The following CACNA2D3 variants were observed in gnomAD, a reference collection of about 807,000 sequenced individuals.
CACNA2D3 encodes the protein voltage-dependent calcium channel subunit alpha-2/delta-3.
CACNA2D3 carries 60 observed loss-of-function variants against 160.6 expected under a neutral mutation model. The observed-to-expected ratio is 0.37, with a 90% CI of 0.30 to 0.46. The LOEUF is 0.46. CACNA2D3 is among the 20% of genes least tolerant of loss of function. The probability of loss-of-function intolerance (pLI) is 1.00; values close to 1 mark genes in which losing one functional copy is unlikely to be tolerated. For synonymous variants in CACNA2D3, 558 were observed against 492.9 expected (o/e 1.13, Z -1.75); for missense variants, 1,205 against 1,365.0 (o/e 0.88, Z 1.85).
chr3:54,127,030 A>G (rs1163759406), intron 2 of CACNA2D3, among the ~76,000 whole-genome samples: 2 of 152,192 alleles, frequency 1.3e-5, no homozygotes, highest in Non-Finnish European at 2.9e-5. Context: ...CACCTCTAAC[A>G]ATCACAATCA....
intron 4 of CACNA2D3, among the ~76,000 whole-genome samples, chr3:54,453,209 C>T (rs1700339049): frequency 6.6e-6 from 1 of 152,070 alleles, no homozygotes; most frequent in Non-Finnish European, 1.5e-5. Context: ...TCCATGCTAG[C>T]CTTGAATTTC....
At chr3:55,020,222 G>T (rs527825166) in intron 35 of CACNA2D3, among the ~76,000 whole-genome samples, 1 of 150,220 alleles carries the variant, frequency 6.7e-6, no homozygotes, top group African/African-American at 2.4e-5. Context: ...AATTTTCTTG[G>T]TTATTCTTGA....
At chr3:54,970,833 C>G (rs927456871) in intron 29 of CACNA2D3, among the ~76,000 whole-genome samples, 2 of 151,888 alleles carry the variant, frequency 1.3e-5, no homozygotes, top group Non-Finnish European at 2.9e-5. Context: ...GCCTTTCTCT[C>G]TCTGCATCAG....
chr3:54,901,860 G>C (rs1270225506), intron 27 of CACNA2D3, among the ~76,000 whole-genome samples: 1 of 152,156 alleles, frequency 6.6e-6, no homozygotes, highest in East Asian at 1.9e-4. Context: ...TCCAAAAATA[G>C]AGCGGCCTCT....
At chr3:54,391,700 C>T (rs35992007) in intron 4 of CACNA2D3, among the ~76,000 whole-genome samples, 16,983 of 151,898 alleles carry the variant, frequency 0.11, 1,141 homozygotes, top group African/African-American at 0.18. Context: ...TTGTGGATAC[C>T]GGGTTTCACC....
chr3:54,381,641 G>A (rs1427409753), intron 3 of CACNA2D3, among the ~76,000 whole-genome samples: 1 of 152,166 alleles, frequency 6.6e-6, no homozygotes, highest in Admixed American at 6.5e-5. Context: ...GGGAGGAAAC[G>A]GGACACTGTG....
At chr3:54,557,093 T>C (rs569813026) in intron 5 of CACNA2D3, among the ~76,000 whole-genome samples, 51 of 152,342 alleles carry the variant, frequency 3.3e-4, no homozygotes, top group Middle Eastern at 3.4e-3. Flanking sequence ...TTTCCCCTTC[T>C]ATTAAAACTG....
intron 29 of CACNA2D3, among the ~76,000 whole-genome samples, chr3:54,971,076 G>A (rs1193009980): frequency 1.3e-5 from 2 of 151,678 alleles, no homozygotes; most frequent in East Asian, 3.9e-4. Context: ...CTGGCTGCTG[G>A]TTAGAAAATC....
intron 27 of CACNA2D3, among the ~76,000 whole-genome samples, chr3:54,931,876 T>C (rs1488346762): frequency 6.6e-6 from 1 of 152,120 alleles, no homozygotes; most frequent in Admixed American, 6.5e-5. Flanking sequence ...CAGGCAATAT[T>C]ACACAGGTAT....
At chr3:54,216,445 G>A (rs1701464998) in intron 2 of CACNA2D3, among the ~76,000 whole-genome samples, 1 of 152,206 alleles carries the variant, frequency 6.6e-6, no homozygotes, top group Non-Finnish European at 1.5e-5. Context: ...GCTTTTTAAA[G>A]TTTGCATGGA....
intron 27 of CACNA2D3, among the ~76,000 whole-genome samples, chr3:54,949,997 G>GA (rs1473766385): frequency 6.6e-6 from 1 of 152,160 alleles, no homozygotes; most frequent in Non-Finnish European, 1.5e-5. Flanking sequence ...TCCTTTAGGG[G>GA]AAAAGAAAAA....
At chr3:54,812,383 C>A (rs1338944421) in intron 13 of CACNA2D3, among the ~76,000 whole-genome samples, 1 of 152,182 alleles carries the variant, frequency 6.6e-6, no homozygotes, top group Non-Finnish European at 1.5e-5. Flanking sequence ...GTAAACAAGT[C>A]TTCTTTGAGA....
intron 11 of CACNA2D3, among the ~76,000 whole-genome samples, chr3:54,737,127 A>G (rs570381159): frequency 2.0e-5 from 3 of 152,162 alleles, no homozygotes; most frequent in East Asian, 1.9e-4. Flanking sequence ...AGTTGGGAAA[A>G]CAACAGTGAA....
chr3:54,519,453 C>T (rs1251516178), intron 5 of CACNA2D3, among the ~76,000 whole-genome samples: 1 of 152,162 alleles, frequency 6.6e-6, no homozygotes, highest in Non-Finnish European at 1.5e-5. Flanking sequence ...GCCTCTTTTC[C>T]TATAATCAAA....
At chr3:54,617,559 C>G (rs1698880160) in intron 9 of CACNA2D3, among the ~76,000 whole-genome samples, 1 of 152,136 alleles carries the variant, frequency 6.6e-6, no homozygotes, top group South Asian at 2.1e-4. Context: ...TGAAACTGCT[C>G]TTGGGTAAAG....
chr3:54,837,247 A>G lies in CACNA2D3; in HGVS notation c.1470+17A>G, dbSNP rs1262719075. 6.2e-7 allele frequency: 1 copy of G among 1,611,182 alleles called. No homozygotes were observed. The highest frequency in any genetic ancestry group is 8.5e-7 in the Non-Finnish European group (1 of 1,177,406). On this transcript the variant is annotated intron_variant, in intron 15 of 37. Transcript: ENST00000474759. ...AACGAAACCGTGAGTACAGTCGCTG[A>G]GCTTCCTGCTTGATGCTAGGAGGGT... is the stretch of plus-strand genomic sequence containing the variant.
At chr3:54,146,043 A>G (rs998581919) in intron 2 of CACNA2D3, among the ~76,000 whole-genome samples, 1 of 151,418 alleles carries the variant, frequency 6.6e-6, no homozygotes, top group Non-Finnish European at 1.5e-5. Flanking sequence ...CACTTCTAGA[A>G]TTTCTATTAT....
intron 35 of CACNA2D3, among the ~76,000 whole-genome samples, chr3:55,051,780 G>A (rs973647451): frequency 4.2e-4 from 64 of 152,266 alleles, no homozygotes; most frequent in Admixed American, 1.2e-3. Flanking sequence ...AGGACCCTCC[G>A]AGCCAGGTGT....
chr3:54,851,889 CT>C (rs1699065471), intron 17 of CACNA2D3, among the ~76,000 whole-genome samples: 1 of 152,182 alleles, frequency 6.6e-6, no homozygotes, highest in South Asian at 2.1e-4. Context: ...CATGGCACAT[CT>C]CAATTCAGGC....
Sources: allele counts gnomAD v4.1 joint callset (sites outside exome capture counted in the v4.1 genomes callset), GRCh38; gene constraint gnomAD v4.1.1; transcripts MANE v1.5; gene names NCBI Gene and HGNC (gene_info 2026-07-23, HGNC 2026-07-21).